Variants in EDARADD observed in about 807,000 individuals in gnomAD.
The protein encoded by EDARADD is EDAR associated via death domain, also known as ectodysplasin-A receptor-associated adapter protein.
EDARADD carries 20 observed loss-of-function variants against 25.6 expected under a neutral mutation model. That is an observed-to-expected ratio of 0.78 (90% CI 0.55 to 1.14). The LOEUF (loss-of-function observed/expected upper bound fraction) is 1.14, where lower values mean the gene tolerates loss of function less well. Ranked by LOEUF, EDARADD falls within the 50% of genes most tolerant of loss-of-function variation. EDARADD has a pLI of 0.00. For missense variants in EDARADD, 225 were observed against 270.1 expected (o/e 0.83, Z 1.17); for synonymous variants, 86 against 94.4 (o/e 0.91, Z 0.52).
intron 3 of EDARADD, 124 bp downstream of exon 3, chr1:236,414,423 G>A (rs980181930): frequency 2.4e-5 from 17 of 702,454 alleles, no homozygotes; most frequent in African/African-American, 5.4e-5. Flanking sequence ...AGATTAGCTC[G>A]TGACTTGTGA....
intron 3 of EDARADD, among the ~76,000 whole-genome samples, chr1:236,425,172 G>A (rs1236375864): frequency 6.6e-6 from 1 of 152,230 alleles, no homozygotes; most frequent in Non-Finnish European, 1.5e-5. Context: ...TGAGCTCTTT[G>A]GCGTGTTGGA....
At chr1:236,357,428 TTTCAGTTG>T (rs1346383261) in intron 3 of EDARADD, among the ~76,000 whole-genome samples, 1 of 152,204 alleles carries the variant, frequency 6.6e-6, no homozygotes, top group African/African-American at 2.4e-5. Flanking sequence ...GTCAGTTATC[TTTCAGTTG>T]TTCTGTCTCC....
At chr1:236,476,731 G>T (rs963590848) in intron 5 of EDARADD, among the ~76,000 whole-genome samples, 2 of 152,106 alleles carry the variant, frequency 1.3e-5, no homozygotes, top group African/African-American at 4.8e-5. Flanking sequence ...CTCCATGTTG[G>T]TCAGGCTGGT....
intron 5 of EDARADD, among the ~76,000 whole-genome samples, chr1:236,470,903 C>T (rs962728894): frequency 6.6e-6 from 1 of 152,116 alleles, no homozygotes; most frequent in African/African-American, 2.4e-5. Flanking sequence ...CCACCACACC[C>T]GGTTAATTTT....
At chr1:236,482,170 G>A (rs564393450) in intron 5 of EDARADD, 97 bp from the exon 6 acceptor site, 1 of 1,411,764 alleles carries the variant, frequency 7.1e-7, no homozygotes, top group East Asian at 2.3e-5. Context: ...TCCATATGAT[G>A]CTTTTGACAA....
intron 4 of EDARADD, among the ~76,000 whole-genome samples, chr1:236,435,242 G>A (rs1348444331): frequency 6.6e-6 from 1 of 152,162 alleles, no homozygotes; most frequent in Non-Finnish European, 1.5e-5. Flanking sequence ...GAGCTCAGAG[G>A]TAACTAGAGG....
At chr1:236,351,983 G>T (rs1332886143) in intron 3 of EDARADD, among the ~76,000 whole-genome samples, 2 of 152,100 alleles carry the variant, frequency 1.3e-5, no homozygotes, top group African/African-American at 4.8e-5. Context: ...GGCGCTGGGG[G>T]GTGTGTGTTT....
At chr1:236,435,752 A>C (rs566236137) in intron 4 of EDARADD, among the ~76,000 whole-genome samples, 1 of 152,306 alleles carries the variant, frequency 6.6e-6, no homozygotes, top group Non-Finnish European at 1.5e-5. Flanking sequence ...TTTTAGAAAG[A>C]AAAAGGATCA....
chr1:236,427,317 G>A (rs1657946420), intron 3 of EDARADD, 75 bp from the exon 4 acceptor site: 1 of 1,445,870 alleles, frequency 6.9e-7, no homozygotes, highest in East Asian at 2.4e-5. Context: ...CTTAATTTTA[G>A]GTCTTACACC....
intron 2 of EDARADD, 140 bp downstream of exon 2, chr1:236,409,414 T>G: frequency 1.5e-6 from 1 of 652,484 alleles, no homozygotes; most frequent in Non-Finnish European, 2.7e-6. Flanking sequence ...AACTGCTTTA[T>G]CTTGGTATTC....
At chr1:236,445,653 A>G (rs1009484265) in intron 4 of EDARADD, among the ~76,000 whole-genome samples, 1 of 152,176 alleles carries the variant, frequency 6.6e-6, no homozygotes, top group Non-Finnish European at 1.5e-5. Context: ...GAGGAAGAAG[A>G]AGATTAAATT....
At chr1:236,425,090 G>T (rs2103015164) in intron 3 of EDARADD, among the ~76,000 whole-genome samples, 1 of 152,310 alleles carries the variant, frequency 6.6e-6, no homozygotes, top group African/African-American at 2.4e-5. Flanking sequence ...TCTCCCTGGG[G>T]ATGGGGTCCT....
intron 4 of EDARADD, among the ~76,000 whole-genome samples, chr1:236,456,185 C>G (rs1322767487): frequency 1.3e-5 from 2 of 152,210 alleles, no homozygotes; most frequent in Non-Finnish European, 1.5e-5. Flanking sequence ...GAGTTCAAAT[C>G]AAGCGAGAAA....
intron 4 of EDARADD, among the ~76,000 whole-genome samples, chr1:236,449,264 G>A (rs560053765): frequency 6.6e-6 from 1 of 152,312 alleles, no homozygotes; most frequent in South Asian, 2.1e-4. Flanking sequence ...CCTCTGTAGA[G>A]ACCCTATGTC....
intron 4 of EDARADD, among the ~76,000 whole-genome samples, chr1:236,467,657 T>C (rs1659250249): frequency 6.6e-6 from 1 of 152,084 alleles, no homozygotes; most frequent in Non-Finnish European, 1.5e-5. Context: ...GTAACCTGGA[T>C]TGACAGACAA....
intron 3 of EDARADD, among the ~76,000 whole-genome samples, chr1:236,372,564 G>A (rs1667184686): frequency 6.6e-6 from 1 of 152,126 alleles, no homozygotes; most frequent in Non-Finnish European, 1.5e-5. Context: ...TTTGGTATTA[G>A]GCTAATGCTG....
intron 3 of EDARADD, among the ~76,000 whole-genome samples, chr1:236,422,094 AT>A (rs1657798684): frequency 6.6e-6 from 1 of 151,766 alleles, no homozygotes; most frequent in Non-Finnish European, 1.5e-5. Context: ...GAGGTTGTGG[AT>A]TTAGATTCAT....
intron 4 of EDARADD, among the ~76,000 whole-genome samples, chr1:236,447,336 C>T (rs1658590820): frequency 1.3e-5 from 2 of 151,770 alleles, no homozygotes; most frequent in African/African-American, 4.9e-5. Context: ...CGGCTCACTG[C>T]AACCTCCTCC....
At chr1:236,405,781 CTTTCTTT>C (rs751955740) in intron 1 of EDARADD, among the ~76,000 whole-genome samples, 12 of 63,374 alleles carry the variant, frequency 1.9e-4, no homozygotes, top group Non-Finnish European at 3.3e-4. Flanking sequence ...TTCTTTCTTT[CTTTCTTT>C]CTTTTCTTTT....
Sources: gnomAD v4.1 joint callset for allele counts (sites outside exome capture counted in the v4.1 genomes callset) on GRCh38, gnomAD v4.1.1 for gene constraint, MANE v1.5 for transcripts, NCBI Gene and HGNC (gene_info 2026-07-23, HGNC 2026-07-21) for gene names.